LETM1: variants seen among roughly 807,000 people sequenced by gnomAD.
The protein encoded by LETM1 is mitochondrial proton/calcium exchanger protein.
LETM1 carries 50 observed loss-of-function variants against 74.5 expected under a neutral mutation model. The observed-to-expected ratio is 0.67, with a 90% CI of 0.53 to 0.85. The LOEUF (loss-of-function observed/expected upper bound fraction) is 0.85, where lower values mean the gene tolerates loss of function less well. LETM1 is among the 40% of genes least tolerant of loss of function. LETM1 has a pLI of 0.00. For synonymous variants in LETM1, 446 were observed against 407.1 expected, an observed-to-expected ratio of 1.10 and a Z score of -1.15; for missense variants, 824 against 967.8, an observed-to-expected ratio of 0.85 and a Z score of 1.97.
At chr4:1,839,970 G>A (rs1712630206) in intron 3 of LETM1, among the ~76,000 whole-genome samples, 1 of 152,088 alleles carries the variant, frequency 6.6e-6, no homozygotes, top group African/African-American at 2.4e-5. Context: ...TCTAAGTTCT[G>A]TGAGCCGCTC....
intron 7 of LETM1, 121 bp from the exon 8 acceptor site, chr4:1,823,896 G>C (rs1241515582): frequency 2.6e-6 from 3 of 1,174,982 alleles, no homozygotes; most frequent in Admixed American, 2.7e-5. Flanking sequence ...AGTTCTACAA[G>C]GTCTGTTTGT....
At chr4:1,833,640 C>T (rs1191974018) in intron 5 of LETM1, 4 of 153,162 alleles carry the variant, frequency 2.6e-5, no homozygotes, top group South Asian at 2.1e-4. Context: ...GCGTGGATCA[C>T]TCAGGGCCCT....
At chr4:1,821,794 G>A (rs1711785345) in intron 10 of LETM1, among the ~76,000 whole-genome samples, 1 of 152,212 alleles carries the variant, frequency 6.6e-6, no homozygotes, top group Admixed American at 6.5e-5. Context: ...GGAGGTGACA[G>A]CAGGTTGGGC....
At chr4:1,847,269 A>T (rs891504244) in intron 2 of LETM1, among the ~76,000 whole-genome samples, 2 of 151,966 alleles carry the variant, frequency 1.3e-5, no homozygotes, top group Non-Finnish European at 2.9e-5. Flanking sequence ...TGAGCCTGGG[A>T]GATCAAAGCT....
chr4:1,830,809 C>T (rs185073265), intron 6 of LETM1, among the ~76,000 whole-genome samples: 12 of 152,212 alleles, frequency 7.9e-5, no homozygotes, highest in East Asian at 5.8e-4. Context: ...TGGTACCAGG[C>T]GTTGCTTTTT....
chr4:1,832,869 C>T lies in LETM1; in HGVS notation c.955G>A (p.Asp319Asn), dbSNP rs768470262. Residue 319 changes from aspartate (D) to asparagine (N), a missense_variant, in exon 6 of 14, where the codon GAC (aspartate) becomes AAC (asparagine). Physicochemically the swap from Asp to Asn is conservative, Grantham distance 23 (BLOSUM62 1). Around this residue, in one of 4 missense-constraint regions of LETM1, gnomAD observed 269 missense variants for 348.8 expected, o/e 0.77. Transcript: ENST00000302787. ...ACCAGCTGCGGCCGTGTCAGGTTGT[C>T]CAGGGTCAGCTCATCCTCAAATAAT... Reference protein sequence around the residue: ...SKLFEDELTLDNLTRPQLVAL... With the variant: ...SKLFEDELTLNNLTRPQLVAL... 4 of 1,613,842 alleles carry T rather than the reference C, an allele frequency of 2.5e-6. No individual in the cohort carries two copies. Among genetic ancestry groups the T allele is most frequent in the South Asian group, 2.2e-5 (2 of 91,052 alleles).
intron 6 of LETM1, among the ~76,000 whole-genome samples, chr4:1,829,835 CA>C (rs766493294): frequency 6.6e-6 from 1 of 151,768 alleles, no homozygotes; most frequent in Non-Finnish European, 1.5e-5. Context: ...CCCCAAAACC[CA>C]AAAAAAGACC....
At chr4:1,826,698 G>A (rs1712000972) in intron 6 of LETM1, among the ~76,000 whole-genome samples, 1 of 152,246 alleles carries the variant, frequency 6.6e-6, no homozygotes, top group African/African-American at 2.4e-5. Context: ...CTCCTTAGCC[G>A]AACCCTTCGC....
Position 1,836,603 on chromosome 4 carries a change from C to A in LETM1, c.595-31G>T. The A allele has an allele frequency of 6.2e-7, 1 of 1,612,214 alleles. No homozygotes were observed. Among genetic ancestry groups the A allele is most frequent in the Non-Finnish European group, 8.5e-7 (1 of 1,179,078 alleles). On this transcript the variant is annotated intron_variant, in intron 3 of 13. Transcript: ENST00000302787. This position sits in a 1 kb window ranked among gnomAD's most constrained non-coding sequence, Gnocchi z 5.8. ...AGGGGCGGAATCCATCAGAGGGGAG[C>A]AGAGCACATGTGGGAACAAGGGCAA...
At chr4:1,822,153 T>A in intron 10 of LETM1, 28 bp downstream of exon 10, 3 of 1,377,878 alleles carry the variant, frequency 2.2e-6, no homozygotes, top group Non-Finnish European at 2.9e-6. Flanking sequence ...CTCCTCAGCC[T>A]CCAGGGCCCC....
chr4:1,856,053 G>A lies in LETM1; in HGVS notation c.-103C>T, dbSNP rs978353937. 5.2e-5 allele frequency: 36 copies of A among 695,282 alleles called. No individual in the cohort carries two copies. The African/African-American group carries it at 5.8e-4, about 11-fold the overall frequency. The allele number at this position is 695,282 out of a possible 1,614,324, so 43.1% of individuals were successfully genotyped here. A position where few individuals can be genotyped will look rare whatever the true frequency, so the allele number is the denominator to read the frequency against. On this transcript the variant is annotated 5_prime_UTR_variant, in exon 1 of 14. Coordinates refer to ENST00000302787, the MANE Select transcript of LETM1 (RefSeq NM_012318.3). The stretch of plus-strand genomic sequence containing the variant: ...GCGGCGCTTCAGACCCGGCCCGCGC[G>A]GACGGCTGACAGAGGCGGCTGGCCT...
At chr4:1,848,730 A>AAAAAAAG (rs1712968508) in intron 2 of LETM1, among the ~76,000 whole-genome samples, 1 of 150,602 alleles carries the variant, frequency 6.6e-6, no homozygotes, top group Admixed American at 6.6e-5. Flanking sequence ...AAAAAAAAAA[A>AAAAAAAG]AAAAAAGAAA....
intron 8 of LETM1, 48 bp from the exon 9 acceptor site, chr4:1,823,179 C>A (rs1347226223): frequency 9.9e-6 from 15 of 1,522,326 alleles, no homozygotes; most frequent in Non-Finnish European, 1.3e-5. Flanking sequence ...CCACCAGAGG[C>A]CCCTGCTGCC....
chr4:1,842,219 A>G (rs1056356815), intron 2 of LETM1, among the ~76,000 whole-genome samples: 3 of 152,190 alleles, frequency 2.0e-5, no homozygotes, highest in Non-Finnish European at 4.4e-5. Context: ...CCTCTCCTCC[A>G]ACAAGTGACT....
At chr4:1,843,051 C>T (rs1480341784) in intron 2 of LETM1, 2 of 355,930 alleles carry the variant, frequency 5.6e-6, no homozygotes, top group Non-Finnish European at 1.1e-5. Context: ...GCTCCTCCTG[C>T]TTCCATCAGC....
rs548332523 is a variant in LETM1, at chr4:1,837,549, CAT to C, written c.595-979_595-978del. ...GCAGGACATATCCTTAAAGCTGGCA[CAT>C]GTGTTTTTTGATATGCCTCATTAAT... On this transcript the variant is annotated intron_variant, in intron 3 of 13. Coordinates refer to ENST00000302787, the MANE Select transcript of LETM1 (RefSeq NM_012318.3). Among the ~76,000 whole-genome samples, 1,144 of 152,244 alleles carry C rather than the reference CAT, an allele frequency of 7.5e-3. 15 individuals are homozygous for C. The highest frequency in any genetic ancestry group is 0.013 in the Non-Finnish European group (908 of 68,012).
At chr4:1,818,946 TG>T (rs1711677431) in intron 11 of LETM1, among the ~76,000 whole-genome samples, 1 of 152,102 alleles carries the variant, frequency 6.6e-6, no homozygotes, top group Admixed American at 6.5e-5. Flanking sequence ...GAGCTGGGCA[TG>T]GTGGCACATG....
rs1169848239 is a variant in LETM1 at position 1,855,740 on chromosome 4, A to AGGGGCTCCGGAGGCCGGGACCAC, written c.82+106_82+128dup. On this transcript the variant is annotated intron_variant, in intron 1 of 13. Transcript: ENST00000302787. ...GAGACCCGGGGCCCCACGGTCCCGC[A>AGGGGCTCCGGAGGCCGGGACCAC]GGGGCTCCGGAGGCCGGGACCACCG... The AGGGGCTCCGGAGGCCGGGACCAC allele has an allele frequency of 7.8e-6, 4 of 512,066 alleles. No individual in the cohort carries two copies. The Admixed American group carries it at 1.9e-4, about 25-fold the overall frequency. The allele number at this position is 512,066 out of a possible 1,614,324, so 31.7% of individuals were successfully genotyped here. A position where few individuals can be genotyped will look rare whatever the true frequency, so the allele number is the denominator to read the frequency against.
chr4:1,845,179 G>A (rs1447324004), intron 2 of LETM1, among the ~76,000 whole-genome samples: 1 of 152,106 alleles, frequency 6.6e-6, no homozygotes, highest in Non-Finnish European at 1.5e-5. Context: ...GATAGAGTGA[G>A]ACTCTGTCCC....
Sources: gnomAD v4.1 joint callset for allele counts (sites outside exome capture counted in the v4.1 genomes callset) on GRCh38, gnomAD v4.1.1 for gene constraint, gnomAD v4.1.1 regional missense constraint, Gnocchi (gnomAD v3.1) non-coding constraint, MANE v1.5 for transcripts, NCBI Gene and HGNC (gene_info 2026-07-23, HGNC 2026-07-21) for gene names.